The following GREB1 variants were observed in gnomAD, a reference collection of about 807,000 sequenced individuals.
GREB1 encodes the protein growth regulating estrogen receptor binding 1, also known as protein GREB1.
Under a neutral mutation model 200.7 loss-of-function variants are expected in GREB1, and 106 were observed. The ratio of observed to expected loss-of-function variants is 0.53; its 90% CI spans 0.45 to 0.62. The LOEUF is 0.62. GREB1 is among the 20% of genes least tolerant of loss of function. GREB1 has a pLI of 0.00. For missense variants in GREB1, 2,243 were observed against 2,556.8 expected (o/e 0.88, Z 2.65); for synonymous variants, 1,132 against 1,092.4 (o/e 1.04, Z -0.72).
At position 11,633,412 on chromosome 2, in the gene GREB1, A is replaced by T. The variant is rs1293796417; in HGVS notation, c.4991+349A>T. 6.6e-6 allele frequency among the ~76,000 whole-genome samples: 1 copy of T among 151,742 alleles called. No individual in the cohort carries two copies. The highest frequency in any genetic ancestry group is 2.4e-5 in the African/African-American group (1 of 41,286). On this transcript the variant is annotated intron_variant, in intron 28 of 32. Coordinates refer to ENST00000381486, the MANE Select transcript of GREB1 (RefSeq NM_014668.4). The surrounding 1 kb of genome is among the most constrained non-coding windows in gnomAD (Gnocchi z 4.1). ...CCTGTCTCTACTAAAAATACAAAAA[A>T]ATTTAGCTGGGCGTGGTGGCGGGCG...
At chr2:11,634,597 T>A (rs10190570) in intron 29 of GREB1, among the ~76,000 whole-genome samples, 50,747 of 152,184 alleles carry the variant, frequency 0.33, 8,576 homozygotes, top group South Asian at 0.45. Flanking sequence ...GCCTTTTTGG[T>A]TCATTCTCCC....
chr2:11,598,144 G>T (rs1349453907), intron 14 of GREB1, among the ~76,000 whole-genome samples, 166 bp downstream of exon 14: 1 of 152,244 alleles, frequency 6.6e-6, no homozygotes, highest in Non-Finnish European at 1.5e-5. Flanking sequence ...ACTTGCCCAA[G>T]ATTTTAGGAT....
At chr2:11,505,903 A>G (rs1673171254) in intron 1 of GREB1, among the ~76,000 whole-genome samples, 1 of 152,196 alleles carries the variant, frequency 6.6e-6, no homozygotes, top group African/African-American at 2.4e-5. Flanking sequence ...GTAAAGCAGT[A>G]GTAAGGCATG....
chr2:11,487,539 A>G (rs1672683041), intron 1 of GREB1, among the ~76,000 whole-genome samples: 1 of 152,212 alleles, frequency 6.6e-6, no homozygotes, highest in Non-Finnish European at 1.5e-5. Flanking sequence ...GGGAGAGGGT[A>G]TATTTTAGGG....
rs1227594036 is a variant in GREB1 at position 11,631,912 on chromosome 2, C to A, written c.4615C>A (p.His1539Asn). The change falls in exon 27 of 33, where the codon CAT becomes AAT. Residue 1539 changes from histidine (H) to asparagine (N), a missense_variant. By Grantham distance (68) the His-to-Asn change is moderately conservative (BLOSUM62 1). Coordinates refer to ENST00000381486, the MANE Select transcript of GREB1 (RefSeq NM_014668.4). ...MRLPLVTDKS[H>N]EYIKSPTFTP... ...TCATGATACCTGTACTTTGCAGAGC[C>A]ATGAATATATAAAAAGTCCGACATT... The A allele has an allele frequency of 3.1e-6, 5 of 1,612,128 alleles. No individual in the cohort carries two copies. The South Asian group carries it at 5.5e-5, about 18-fold the overall frequency.
intron 32 of GREB1, 140 bp downstream of exon 32, chr2:11,638,949 C>A: frequency 1.2e-6 from 1 of 844,682 alleles, no homozygotes; most frequent in Non-Finnish European, 1.8e-6. Flanking sequence ...CTGCCTCAGC[C>A]ACCCAGGGAA....
At chr2:11,588,586 A>G (rs1558593157) in intron 9 of GREB1, 160 bp from the exon 10 acceptor site, 1 of 718,396 alleles carries the variant, frequency 1.4e-6, no homozygotes, top group East Asian at 2.7e-5. Context: ...GAGGGTGAGC[A>G]GGTGCACTCA....
At chr2:11,504,825 A>G (rs1201624747) in intron 1 of GREB1, among the ~76,000 whole-genome samples, 3 of 152,182 alleles carry the variant, frequency 2.0e-5, no homozygotes, top group Non-Finnish European at 4.4e-5. Flanking sequence ...TCATTCCTAC[A>G]CTATTCATTG....
intron 1 of GREB1, among the ~76,000 whole-genome samples, chr2:11,514,908 G>A (rs1673443314): frequency 6.6e-6 from 1 of 152,152 alleles, no homozygotes; most frequent in Non-Finnish European, 1.5e-5. Context: ...AGAGCTATTA[G>A]TTGAATCCAT....
At chr2:11,559,840 T>C (rs1676811662) in intron 2 of GREB1, among the ~76,000 whole-genome samples, 1 of 152,218 alleles carries the variant, frequency 6.6e-6, no homozygotes, top group African/African-American at 2.4e-5. Context: ...CCACCCCACC[T>C]CTGGGTAATC....
chr2:11,510,964 T>C (rs1673333258), intron 1 of GREB1, among the ~76,000 whole-genome samples: 1 of 152,162 alleles, frequency 6.6e-6, no homozygotes, highest in Admixed American at 6.5e-5. Context: ...TGAGCCACCA[T>C]GCCTGGCCAA....
intron 25 of GREB1, among the ~76,000 whole-genome samples, chr2:11,627,617 A>T (rs1300603997): frequency 6.6e-6 from 1 of 152,256 alleles, no homozygotes; most frequent in Non-Finnish European, 1.5e-5. Context: ...CAATGTGCCT[A>T]GGCACTTTTT....
rs1367457276 is a variant in GREB1, at chr2:11,600,939, C to G, written c.2473C>G (p.Gln825Glu). The G allele has an allele frequency of 1.9e-6, 3 of 1,614,042 alleles. No individual in the cohort carries two copies. Among genetic ancestry groups the G allele is most frequent in the Non-Finnish European group, 1.7e-6 (2 of 1,180,018 alleles). ...VTSFPYALQT[Q>E]HTLISPYNEI... ...CTCCTTCCCGTATGCACTGCAGACACAGCACACCCTCATCAGCCCCTACAA... is the reference window on the plus strand; with the variant it reads ...CTCCTTCCCGTATGCACTGCAGACAGAGCACACCCTCATCAGCCCCTACAA... The change falls in exon 16 of 33, where the codon CAG (glutamine) becomes GAG (glutamate). Residue 825 changes from glutamine (Q) to glutamate (E), a missense_variant. Gln to Glu is a conservative substitution (Grantham distance 29). This residue lies in a region of GREB1 where 1,178 missense variants were observed against 1,387.4 expected (regional missense o/e 0.85). Coordinates refer to ENST00000381486, the MANE Select transcript of GREB1 (RefSeq NM_014668.4).
intron 17 of GREB1, 82 bp from the exon 18 acceptor site, chr2:11,610,606 T>A: frequency 9.4e-7 from 1 of 1,061,940 alleles, no homozygotes; most frequent in Non-Finnish European, 1.4e-6. Flanking sequence ...TGTGGTAGAG[T>A]GACGGATGTC....
intron 1 of GREB1, among the ~76,000 whole-genome samples, chr2:11,523,101 A>T (rs959244339): frequency 6.6e-6 from 1 of 152,244 alleles, no homozygotes; most frequent in African/African-American, 2.4e-5. Flanking sequence ...GCTGGAGGCC[A>T]TTATCCTTAG....
chr2:11,594,444 T>G (rs1204167342), intron 11 of GREB1, among the ~76,000 whole-genome samples: 1 of 151,720 alleles, frequency 6.6e-6, no homozygotes, highest in Non-Finnish European at 1.5e-5. Flanking sequence ...AACCTCCGTC[T>G]CCCAAGTTCA....
intron 28 of GREB1, 112 bp from the exon 29 acceptor site, chr2:11,634,019 C>A: frequency 1.0e-6 from 1 of 1,004,316 alleles, no homozygotes; most frequent in Non-Finnish European, 1.6e-6. Context: ...GGGGCACCGG[C>A]CCGTCCAGGT....
In GREB1 at chr2:11,611,766, C is replaced by T. The variant is rs139581340; in HGVS notation, c.3007-729C>T. On this transcript the variant is annotated intron_variant, in intron 18 of 32. Transcript: ENST00000381486. ...AGAACTCAGCCCCCAAAGCCTAGCA[C>T]AGCGCCTGGCCCATAGTAGGTTCTC... Among the ~76,000 whole-genome samples, 526 of 152,344 alleles carry T rather than the reference C, an allele frequency of 3.5e-3. 4 individuals are homozygous for T. Among genetic ancestry groups the T allele is most frequent in the African/African-American group, 0.012 (513 of 41,580 alleles).
At chr2:11,576,623 C>T in intron 5 of GREB1, 88 bp downstream of exon 5, 1 of 956,940 alleles carries the variant, frequency 1.0e-6, no homozygotes, top group Non-Finnish European at 1.6e-6. Flanking sequence ...GGGGAGAGGC[C>T]CCTGCATAGC....
Sources: allele counts gnomAD v4.1 joint callset (sites outside exome capture counted in the v4.1 genomes callset), GRCh38; gene constraint gnomAD v4.1.1; regional missense constraint gnomAD v4.1.1; non-coding constraint Gnocchi (gnomAD v3.1); transcripts MANE v1.5; gene names NCBI Gene and HGNC (gene_info 2026-07-23, HGNC 2026-07-21).